Variants in ZNF326 observed in about 807,000 individuals in gnomAD.
ZNF326 encodes the protein zinc finger protein 326, also known as DBIRD complex subunit ZNF326.
In ZNF326, 30 loss-of-function variants were observed where a neutral mutation model predicts 63.1. The ratio of observed to expected loss-of-function variants is 0.48; its 90% CI spans 0.36 to 0.64. The LOEUF (loss-of-function observed/expected upper bound fraction) is 0.64. Ranked by LOEUF, ZNF326 falls within the 30% of genes least tolerant of loss-of-function variation. The probability of loss-of-function intolerance (pLI) is 0.00; values close to 1 mark genes in which losing one functional copy is unlikely to be tolerated. For synonymous variants in ZNF326, 194 were observed against 228.2 expected (o/e 0.85, Z 1.35); for missense variants, 609 against 720.3 (o/e 0.85, Z 1.77).
rs1650434130 is a variant in ZNF326 at position 90,035,151 on chromosome 1, T to A, written c.*7450T>A. ...AGAAAGCTTCATCAAACATCTGCATTCAAGTCAGGATTAAGACAATAATGA... is the reference window on the plus strand; with the variant it reads ...AGAAAGCTTCATCAAACATCTGCATACAAGTCAGGATTAAGACAATAATGA... On this transcript the variant is annotated 3_prime_UTR_variant, in exon 12 of 12. Coordinates refer to ENST00000340281, the MANE Select transcript of ZNF326 (RefSeq NM_182976.4). 1 of 152,204 alleles carries A rather than the reference T, an allele frequency of 6.6e-6. No individual in the cohort carries two copies. The highest frequency in any genetic ancestry group is 1.5e-5 in the Non-Finnish European group (1 of 68,026). The allele number at this position is 152,204 out of a possible 1,614,324, so 9.4% of individuals were successfully genotyped here. A position where few individuals can be genotyped will look rare whatever the true frequency, so the allele number is the denominator to read the frequency against.
At chr1:90,013,579 A>G (rs1231098858) in intron 7 of ZNF326, among the ~76,000 whole-genome samples, 2 of 152,242 alleles carry the variant, frequency 1.3e-5, no homozygotes, top group Admixed American at 1.3e-4. Context: ...GTTCTTTCCA[A>G]TCCAGATCCC....
At chr1:90,025,456 G>A (rs868811924) in intron 11 of ZNF326, among the ~76,000 whole-genome samples, 4 of 152,038 alleles carry the variant, frequency 2.6e-5, no homozygotes, top group East Asian at 1.9e-4. Flanking sequence ...ATTTTTGCCC[G>A]AAATGCTTCT....
At chr1:89,996,178 A>G (rs999686701) in intron 1 of ZNF326, among the ~76,000 whole-genome samples, 1 of 152,210 alleles carries the variant, frequency 6.6e-6, no homozygotes, top group Admixed American at 6.5e-5. Context: ...ATTGGTGTCA[A>G]GATAAAGTGG....
At chr1:90,017,536 C>T in intron 8 of ZNF326, 72 bp downstream of exon 8, 1 of 1,349,000 alleles carries the variant, frequency 7.4e-7, no homozygotes, top group Non-Finnish European at 1.0e-6. Context: ...TTTCACTCTC[C>T]CCATCTCTCA....
chr1:90,033,927 AAAG>A lies in ZNF326; in HGVS notation c.*6230_*6232del, dbSNP rs1650383991. ...TATAGAGGAGTTCCAGAAAGTGAAA[AAAG>A]AAGTGAAGAATAGGAAAAAAAAAAA... On this transcript the variant is annotated 3_prime_UTR_variant, in exon 12 of 12. Transcript: ENST00000340281. 6.7e-6 allele frequency: 1 copy of A among 149,372 alleles called. No individual in the cohort carries two copies. Among genetic ancestry groups the A allele is most frequent in the African/African-American group, 2.6e-5 (1 of 38,888 alleles). 9.3% of individuals were successfully genotyped at this position (149,372 alleles called of 1,614,324 possible).
At chr1:89,995,650 C>T (rs1412985010) in intron 1 of ZNF326, among the ~76,000 whole-genome samples, 1 of 152,272 alleles carries the variant, frequency 6.6e-6, no homozygotes, top group Non-Finnish European at 1.5e-5. Context: ...CTCGCATTCG[C>T]CCCACAGGGC....
At chr1:90,005,946 A>C in intron 4 of ZNF326, 1 of 985,432 alleles carries the variant, frequency 1.0e-6, no homozygotes, top group Non-Finnish European at 1.2e-6. Flanking sequence ...TTAAACAACT[A>C]CAAGCTTTAA....
chr1:90,020,014 A>T (rs1649688913), intron 9 of ZNF326, among the ~76,000 whole-genome samples: 1 of 152,116 alleles, frequency 6.6e-6, no homozygotes, highest in Non-Finnish European at 1.5e-5. Context: ...AACATTTATC[A>T]AATCTGTTTC....
chr1:90,026,422 T>G (rs939117291), intron 11 of ZNF326, among the ~76,000 whole-genome samples: 1 of 152,194 alleles, frequency 6.6e-6, no homozygotes, highest in Non-Finnish European at 1.5e-5. Flanking sequence ...TAAATGTAAA[T>G]ATCTTATTCT....
At chr1:90,009,147 G>A (rs1649122921) in intron 5 of ZNF326, among the ~76,000 whole-genome samples, 1 of 152,102 alleles carries the variant, frequency 6.6e-6, no homozygotes, top group Non-Finnish European at 1.5e-5. Context: ...TAATAAACAA[G>A]TATTCCTGTA....
At position 90,027,909 on chromosome 1, in the gene ZNF326, A is replaced by G. The variant is rs896676636; in HGVS notation, c.*208A>G. On this transcript the variant is annotated 3_prime_UTR_variant, in exon 12 of 12. Coordinates refer to ENST00000340281, the MANE Select transcript of ZNF326 (RefSeq NM_182976.4). ...TTAGTTTAGTTTTTATAGCTACCAG[A>G]CTTAGATCCGATAAATTGTTTGTAT... 1 of 548,854 alleles carries G rather than the reference A, an allele frequency of 1.8e-6. No individual in the cohort carries two copies. Among genetic ancestry groups the G allele is most frequent in the African/African-American group, 1.9e-5 (1 of 51,544 alleles). The allele number at this position is 548,854 out of a possible 1,614,324, so 34.0% of individuals were successfully genotyped here.
rs1649915667 is a variant in ZNF326 at position 90,024,416 on chromosome 1, G to A, written c.1401+2071G>A. On this transcript the variant is annotated intron_variant, in intron 11 of 11. Coordinates refer to ENST00000340281, the MANE Select transcript of ZNF326 (RefSeq NM_182976.4). ...ATTCCTTATTAGTTCTAGCTCTACG[G>A]TTAGCTTTAATGTTTGTCTTGCTAA... 2.6e-5 allele frequency among the ~76,000 whole-genome samples: 4 copies of A among 152,038 alleles called. No individual in the cohort carries two copies. The South Asian group carries it at 8.3e-4, about 32-fold the overall frequency.
chr1:90,004,440 A>T (rs1274480621), intron 2 of ZNF326, among the ~76,000 whole-genome samples: 1 of 152,236 alleles, frequency 6.6e-6, no homozygotes, highest in Non-Finnish European at 1.5e-5. Flanking sequence ...CTTTGACTTT[A>T]TTAAATGCTG....
chr1:90,004,753 T>C (rs1367811913), intron 2 of ZNF326, among the ~76,000 whole-genome samples: 3 of 143,362 alleles, frequency 2.1e-5, no homozygotes, highest in South Asian at 2.3e-4. Context: ...AATTCTAATA[T>C]AGAACTTTTT....
intron 1 of ZNF326, among the ~76,000 whole-genome samples, chr1:89,997,741 G>T (rs961765723): frequency 6.6e-6 from 1 of 152,142 alleles, no homozygotes; most frequent in Non-Finnish European, 1.5e-5. Flanking sequence ...TTCATGTTAC[G>T]TACAATTCTC....
chr1:90,025,897 T>C (rs1413860849), intron 11 of ZNF326, among the ~76,000 whole-genome samples: 1 of 152,186 alleles, frequency 6.6e-6, no homozygotes, highest in Non-Finnish European at 1.5e-5. Context: ...TATCACTTAT[T>C]CTTGAAACTC....
Position 90,013,145 on chromosome 1 carries a change from T to C in ZNF326, c.834T>C (p.Asn278=), listed in dbSNP as rs139369158. The C allele has an allele frequency of 5.4e-4, 864 of 1,610,514 alleles. 5 individuals are homozygous for C. The East Asian group carries it at 0.017, about 31-fold the overall frequency. The part of the protein sequence containing the change: ...SKSPTKTDPK[N]EEEEKRRIEA... ...TCCTAGCAAAAACTGATCCTAAAAA[T>C]GAAGAGGAAGAAAAGCGGCGAATTG... Residue 278 remains asparagine (N), a synonymous_variant, in exon 7 of 12, where the codon AAT becomes AAC. Coordinates refer to ENST00000340281, the MANE Select transcript of ZNF326 (RefSeq NM_182976.4).
intron 2 of ZNF326, among the ~76,000 whole-genome samples, chr1:89,999,716 A>G (rs1337563192): frequency 6.6e-6 from 1 of 152,172 alleles, no homozygotes; most frequent in African/African-American, 2.4e-5. Context: ...CCTCTGATTA[A>G]AGACCAATGC....
In ZNF326 at chr1:90,010,149, C is replaced by A; in HGVS notation, c.677C>A (p.Ser226Tyr). The A allele has an allele frequency of 6.2e-7, 1 of 1,613,732 alleles. No homozygotes were observed. The highest frequency in any genetic ancestry group is 8.5e-7 in the Non-Finnish European group (1 of 1,179,802). ...PGIVVDYQNKSTNVTVAAARG... is the reference protein window; with the variant it reads ...PGIVVDYQNKYTNVTVAAARG... ...ATTGTTGTTGACTATCAAAACAAAT[C>A]CACCAATGTGACAGTTGCTGCTGCA... The change falls in exon 6 of 12, where the codon TCC becomes TAC. Residue 226 changes from serine (S) to tyrosine (Y), a missense_variant. Ser to Tyr is a moderately radical substitution (Grantham distance 144). This residue lies in a region of ZNF326 where 399 missense variants were observed against 444.3 expected (regional missense o/e 0.90). Coordinates refer to ENST00000340281, the MANE Select transcript of ZNF326 (RefSeq NM_182976.4).
Sources: gnomAD v4.1 joint callset for allele counts (sites outside exome capture counted in the v4.1 genomes callset) on GRCh38, gnomAD v4.1.1 for gene constraint, gnomAD v4.1.1 regional missense constraint, MANE v1.5 for transcripts, NCBI Gene and HGNC (gene_info 2026-07-23, HGNC 2026-07-21) for gene names.